Variants in IZUMO4 observed in about 807,000 individuals in gnomAD.
The protein encoded by IZUMO4 is izumo sperm-egg fusion protein 4.
A neutral mutation model predicts 37.1 loss-of-function variants in IZUMO4; 51 were observed. The ratio of observed to expected loss-of-function variants is 1.38; its 90% CI spans 1.10 to 1.74. The LOEUF is 1.74. Ranked by LOEUF, IZUMO4 falls within the 40% of genes most tolerant of loss-of-function variation. The pLI, the probability that IZUMO4 is intolerant of heterozygous loss-of-function variation, is 0.00. For missense variants in IZUMO4, 364 were observed against 299.6 expected (o/e 1.21, Z -1.59); for synonymous variants, 162 against 121.4 (o/e 1.33, Z -2.20).
Position 2,098,527 on chromosome 19 carries a change from G to C in IZUMO4, c.536+77G>C, listed in dbSNP as rs906656937. 5.6e-6 allele frequency: 9 copies of C among 1,609,542 alleles called. No individual in the cohort carries two copies. In the African/African-American group the frequency reaches 6.7e-5, roughly 12 times the overall value. Reference sequence around the variant, plus strand: ...GTGGGTGAGTATGTGTGGGGCACAGGCTGGCTCCCTCAGCTCCCACGTCCT... The same window carrying C: ...GTGGGTGAGTATGTGTGGGGCACAGCCTGGCTCCCTCAGCTCCCACGTCCT... On this transcript the variant is annotated intron_variant, in intron 7 of 9. Transcript: ENST00000395301.
At position 2,098,798 on chromosome 19, in the gene IZUMO4, G is replaced by C. The variant is rs771309675; in HGVS notation, c.548G>C (p.Ser183Thr). 1 of 1,601,438 alleles carries C rather than the reference G, an allele frequency of 6.2e-7. No individual in the cohort carries two copies. Among genetic ancestry groups the C allele is most frequent in the Non-Finnish European group, 8.5e-7 (1 of 1,174,080 alleles). ...YINNWHKQDT[S>T]MRPRSSAFSW... The stretch of plus-strand genomic sequence containing the variant: ...ACATTGCCTTTCAGACAGGACACGA[G>C]CATGAGGTAAGGCCGCCCTGACCTG... Residue 183 changes from serine to threonine, a missense_variant, in exon 8 of 10, where the codon AGC becomes ACC. Coordinates refer to ENST00000395301, the MANE Select transcript of IZUMO4 (RefSeq NM_001039846.2).
At chr19:2,099,192 C>T (rs573736137) in intron 9 of IZUMO4, 63 bp from the exon 10 acceptor site, 4 of 1,523,314 alleles carry the variant, frequency 2.6e-6, no homozygotes, top group South Asian at 1.1e-5. Context: ...GGCCTGGGGC[C>T]CCCAGGGAGG....
At chr19:2,097,774 C>T (rs2017752779) in intron 3 of IZUMO4, 155 bp from the exon 4 acceptor site, 2 of 977,720 alleles carry the variant, frequency 2.0e-6, no homozygotes, top group Middle Eastern at 2.2e-4. Flanking sequence ...CTGGGGACCC[C>T]TTCCCTCCGG....
rs1461070851 is a variant in IZUMO4 at position 2,099,399 on chromosome 19, C to T, written c.*54C>T. 2.9e-5 allele frequency: 38 copies of T among 1,296,292 alleles called. No individual in the cohort carries two copies. The highest frequency in any genetic ancestry group is 4.0e-5 in the Non-Finnish European group (37 of 914,036). The allele number at this position is 1,296,292 out of a possible 1,614,324, so 80.3% of individuals were successfully genotyped here. The stretch of plus-strand genomic sequence containing the variant: ...TGGGGGCGGAGACTCAGCTGGACAG[C>T]CCCTGCCTGTCACTCTGGAGCTGGG... On this transcript the variant is annotated 3_prime_UTR_variant, in exon 10 of 10. Coordinates refer to ENST00000395301, the MANE Select transcript of IZUMO4 (RefSeq NM_001039846.2).
chr19:2,098,744 G>C (rs764958305), intron 7 of IZUMO4, 43 bp from the exon 8 acceptor site: 1 of 1,605,200 alleles, frequency 6.2e-7, no homozygotes, highest in African/African-American at 1.3e-5. Flanking sequence ...CGATGGTTAG[G>C]GGTGCCCCAT....
intron 7 of IZUMO4, 124 bp from the exon 8 acceptor site, chr19:2,098,663 C>A: frequency 6.4e-7 from 1 of 1,560,134 alleles, no homozygotes; most frequent in South Asian, 1.2e-5. Context: ...GGCATCTTTC[C>A]TAAAGGGTCC....
rs776673205 is a variant in IZUMO4 at position 2,098,479 on chromosome 19, C to T, written c.536+29C>T. ...AGTCCCCTCCTCAAACCAACACAGGCAGTGTGTGTATGTGAGCACCTCGTG... is the reference window on the plus strand; with the variant it reads ...AGTCCCCTCCTCAAACCAACACAGGTAGTGTGTGTATGTGAGCACCTCGTG... On this transcript the variant is annotated intron_variant, in intron 7 of 9. Coordinates refer to ENST00000395301, the MANE Select transcript of IZUMO4 (RefSeq NM_001039846.2). 2.4e-5 allele frequency: 38 copies of T among 1,613,312 alleles called. 1 individual carries two copies. Among genetic ancestry groups the T allele is most frequent in the South Asian group, 9.9e-5 (9 of 91,080 alleles).
intron 3 of IZUMO4, 169 bp downstream of exon 3, chr19:2,097,664 A>G (rs1392751751): frequency 1.4e-6 from 1 of 737,958 alleles, no homozygotes; most frequent in Admixed American, 2.1e-5. Flanking sequence ...GATCAATGCC[A>G]TCACCCCGCG....
chr19:2,098,999 G>C lies in IZUMO4; in HGVS notation c.578G>C (p.Trp193Ser). The C allele has an allele frequency of 6.2e-7, 1 of 1,613,150 alleles. No individual in the cohort carries two copies. The highest frequency in any genetic ancestry group is 1.6e-4 in the Middle Eastern group (1 of 6,062). Residue 193 changes from tryptophan (W) to serine (S), a missense_variant, in exon 9 of 10, where the codon TGG (tryptophan) becomes TCG (serine). Physicochemically the swap from Trp to Ser is radical, Grantham distance 177. Transcript: ENST00000395301. ...SMRPRSSAFS[W>S]PGTHRATPAF... Reference sequence around the variant, plus strand: ...AGACCACGCTCCTCTGCCTTCTCCTGGCCTGGGACACACAGAGCCACCCCG... The same window carrying C: ...AGACCACGCTCCTCTGCCTTCTCCTCGCCTGGGACACACAGAGCCACCCCG...
chr19:2,099,108 C>G, intron 9 of IZUMO4, 79 bp downstream of exon 9: 1 of 1,440,594 alleles, frequency 6.9e-7, no homozygotes, highest in Admixed American at 1.7e-5. Context: ...CCTGCACACC[C>G]TGCTGACATC....
intron 2 of IZUMO4, 33 bp downstream of exon 2, chr19:2,097,365 C>T (rs760185798): frequency 3.1e-6 from 5 of 1,605,084 alleles, no homozygotes; most frequent in Non-Finnish European, 3.4e-6. Context: ...GGGGCCCCCC[C>T]ACCCCGGGAC....
Position 2,099,282 on chromosome 19 carries a change from G to A in IZUMO4, c.636G>A (p.Leu212=), listed in dbSNP as rs747803005. The A allele has an allele frequency of 6.2e-7, 1 of 1,612,956 alleles. No individual in the cohort carries two copies. The highest frequency in any genetic ancestry group is 1.7e-5 in the Admixed American group (1 of 59,996). The change falls in exon 10 of 10, where the codon CTG becomes CTA. Residue 212 remains leucine, a synonymous_variant. Transcript: ENST00000395301. ...AFLVSPALRC[L]EPPHLANLTL... is the part of the protein sequence containing the mutation. ...TGGTATCGCCAGCCTTAAGGTGTCT[G>A]GAGCCCCCACACTTGGCCAACCTGA...
rs997026782 is a variant in IZUMO4 at position 2,097,091 on chromosome 19, C to T, written c.146C>T (p.Ser49Leu). 6.2e-7 allele frequency: 1 copy of T among 1,612,686 alleles called. No individual in the cohort carries two copies. The highest frequency in any genetic ancestry group is 1.3e-5 in the African/African-American group (1 of 74,934). ...KSWWVGDIPV[S>L]GALLTDWSDD... is the part of the protein sequence containing the mutation. ...TGGTGGGTGGGCGACATCCCCGTGTCAGGGGCGCTGCTCACCGACTGGAGC... is the reference window on the plus strand; with the variant it reads ...TGGTGGGTGGGCGACATCCCCGTGTTAGGGGCGCTGCTCACCGACTGGAGC... Residue 49 changes from serine (S) to leucine (L), a missense_variant, in exon 1 of 10, where the codon TCA becomes TTA. Physicochemically the swap from Ser to Leu is moderately radical, Grantham distance 145 (BLOSUM62 -2). Transcript: ENST00000395301.
In IZUMO4 at chr19:2,097,476, C is replaced by G. The variant is rs1250058881; in HGVS notation, c.351C>G (p.Ile117Met). 14 of 1,612,218 alleles carry G rather than the reference C, an allele frequency of 8.7e-6. No individual in the cohort carries two copies. The highest frequency in any genetic ancestry group is 1.2e-5 in the Non-Finnish European group (14 of 1,179,258). Residue 117 changes from isoleucine to methionine, a missense_variant, in exon 3 of 10, where the codon ATC becomes ATG. By Grantham distance (10) the Ile-to-Met change is conservative. Transcript: ENST00000395301. ...RNIFREQVHL[I>M]QNAIIESRID... Reference sequence around the variant, plus strand: ...TCTTCCGGGAGCAGGTGCACCTCATCCAGAACGCCATCATCGAAAGTGAGC... The same window carrying G: ...TCTTCCGGGAGCAGGTGCACCTCATGCAGAACGCCATCATCGAAAGTGAGC...
At position 2,098,111 on chromosome 19, in the gene IZUMO4, T is replaced by C. The variant is rs2017768850; in HGVS notation, c.457T>C (p.Phe153Leu). Residue 153 changes from phenylalanine (F) to leucine (L), a missense_variant, in exon 5 of 10, where the codon TTT becomes CTT. Coordinates refer to ENST00000395301, the MANE Select transcript of IZUMO4 (RefSeq NM_001039846.2). ...CTGCACAGACTCGCACGTCGCCTGC[T>C]TTGGCTATAACTGCGAGTAGGGCTC... ...NNCTDSHVAC[F>L]GYNCESSAQW... 2 of 1,613,568 alleles carry C rather than the reference T, an allele frequency of 1.2e-6. No individual in the cohort carries two copies. The highest frequency in any genetic ancestry group is 1.7e-6 in the Non-Finnish European group (2 of 1,180,010).
chr19:2,099,259 G>C lies in IZUMO4; in HGVS notation c.613G>C (p.Val205Leu). 6.2e-7 allele frequency: 1 copy of C among 1,613,226 alleles called. No individual in the cohort carries two copies. Among genetic ancestry groups the C allele is most frequent in the South Asian group, 1.1e-5 (1 of 91,080 alleles). The change falls in exon 10 of 10, where the codon GTA becomes CTA. Residue 205 changes from valine (V) to leucine (L), a missense_variant. Transcript: ENST00000395301. Reference protein sequence around the residue: ...GTHRATPAFLVSPALRCLEPP... With the variant: ...GTHRATPAFLLSPALRCLEPP... ...GGCAGCCTCGTCTCCCCGCAGCCTGGTATCGCCAGCCTTAAGGTGTCTGGA... is the reference window on the plus strand; with the variant it reads ...GGCAGCCTCGTCTCCCCGCAGCCTGCTATCGCCAGCCTTAAGGTGTCTGGA...
chr19:2,099,501 G>A lies in IZUMO4; in HGVS notation c.*156G>A. Reference sequence around the variant, plus strand: ...CAGGGCCAGGAGGGCGGGAGGGAGGGAATGGGGGTGGGCTGTGCGCAGCAT... The same window carrying A: ...CAGGGCCAGGAGGGCGGGAGGGAGGAAATGGGGGTGGGCTGTGCGCAGCAT... On this transcript the variant is annotated 3_prime_UTR_variant, in exon 10 of 10. Transcript: ENST00000395301. The A allele has an allele frequency of 8.2e-6, 3 of 363,890 alleles. No individual in the cohort carries two copies. Among genetic ancestry groups the A allele is most frequent in the Admixed American group, 3.3e-5 (1 of 30,526 alleles). 22.5% of individuals were successfully genotyped at this position (363,890 alleles called of 1,614,324 possible).
chr19:2,098,699 C>G, intron 7 of IZUMO4, 88 bp from the exon 8 acceptor site: 1 of 1,577,760 alleles, frequency 6.3e-7, no homozygotes, highest in Non-Finnish European at 8.6e-7. Flanking sequence ...CCACCCCATC[C>G]CAGGTCTGTG....
rs1016279780 is a variant in IZUMO4 at position 2,098,705 on chromosome 19, C to G, written c.537-82C>G. The G allele has an allele frequency of 2.5e-6, 4 of 1,582,896 alleles. No homozygotes were observed. In the Admixed American group the frequency reaches 7.5e-5, roughly 30 times the overall value. ...GGTCTGGTTCCACCCCATCCCAGGT[C>G]TGTGGTCAGAGCCTGGGAGGGTTCC... On this transcript the variant is annotated intron_variant, in intron 7 of 9. Coordinates refer to ENST00000395301, the MANE Select transcript of IZUMO4 (RefSeq NM_001039846.2).
Sources: allele counts gnomAD v4.1 joint callset, GRCh38; gene constraint gnomAD v4.1.1; transcripts MANE v1.5; gene names NCBI Gene and HGNC (gene_info 2026-07-23, HGNC 2026-07-21).